The following KCNAB1 variants were observed in gnomAD, a reference collection of about 807,000 sequenced individuals.
KCNAB1 encodes the protein potassium voltage-gated channel subfamily A regulatory beta subunit 1, also known as voltage-gated potassium channel subunit beta-1.
KCNAB1 carries 35 observed loss-of-function variants against 64.6 expected under a neutral mutation model. That is an observed-to-expected ratio of 0.54 (90% CI 0.41 to 0.72). The LOEUF (loss-of-function observed/expected upper bound fraction) is 0.72. Ranked by LOEUF, KCNAB1 falls within the 30% of genes least tolerant of loss-of-function variation. KCNAB1 has a pLI of 0.00. For synonymous variants in KCNAB1, 177 were observed against 183.8 expected (o/e 0.96, Z 0.30); for missense variants, 401 against 512.9 (o/e 0.78, Z 2.11).
At chr3:156,424,009 T>C (rs1354716929) in intron 2 of KCNAB1, among the ~76,000 whole-genome samples, 1 of 152,192 alleles carries the variant, frequency 6.6e-6, no homozygotes, top group Non-Finnish European at 1.5e-5. Flanking sequence ...GTTCAGTTAT[T>C]GTTAGTGACA....
At chr3:156,469,740 C>T (rs1713739388) in intron 7 of KCNAB1, among the ~76,000 whole-genome samples, 1 of 152,198 alleles carries the variant, frequency 6.6e-6, no homozygotes, top group Non-Finnish European at 1.5e-5. Flanking sequence ...TGTTATTTTA[C>T]AGTCCATAGT....
intron 1 of KCNAB1, among the ~76,000 whole-genome samples, chr3:156,395,544 C>CAAAAA (rs61017269): frequency 0.05 from 1,270 of 25,456 alleles, 503 homozygotes; most frequent in Non-Finnish European, 0.11. Context: ...GACTCCGTCT[C>CAAAAA]AAAAAAAAAA....
chr3:156,435,126 A>G (rs1716501012), intron 2 of KCNAB1, among the ~76,000 whole-genome samples: 1 of 152,232 alleles, frequency 6.6e-6, no homozygotes, highest in South Asian at 2.1e-4. Flanking sequence ...TCCATACCAT[A>G]GAGAGTCATC....
intron 1 of KCNAB1, among the ~76,000 whole-genome samples, chr3:156,296,533 G>C (rs1720796999): frequency 6.7e-6 from 1 of 148,326 alleles, no homozygotes; most frequent in Admixed American, 6.8e-5. Context: ...GAGGGCAGTG[G>C]CGCCGTCTCA....
intron 1 of KCNAB1, among the ~76,000 whole-genome samples, chr3:156,136,075 C>T (rs901321907): frequency 6.6e-6 from 1 of 152,120 alleles, no homozygotes. Flanking sequence ...TCTAAGTCTC[C>T]CACGTATAAC....
intron 1 of KCNAB1, among the ~76,000 whole-genome samples, chr3:156,351,383 G>T (rs907855519): frequency 2.0e-5 from 3 of 152,250 alleles, no homozygotes; most frequent in African/African-American, 4.8e-5. Context: ...GTGCATGGAT[G>T]TAGGCTCTCT....
At chr3:156,450,160 G>T (rs560509368) in intron 2 of KCNAB1, among the ~76,000 whole-genome samples, 4 of 152,254 alleles carry the variant, frequency 2.6e-5, no homozygotes, top group African/African-American at 9.6e-5. Flanking sequence ...ATGGACTTGG[G>T]GATAGTGTAC....
chr3:156,462,991 C>G (rs1713040048), intron 5 of KCNAB1, among the ~76,000 whole-genome samples: 1 of 152,106 alleles, frequency 6.6e-6, no homozygotes, highest in African/African-American at 2.4e-5. Context: ...ATTTCATTCC[C>G]CTAGCAGTAA....
intron 1 of KCNAB1, among the ~76,000 whole-genome samples, chr3:156,305,382 G>C (rs1267732075): frequency 6.6e-6 from 1 of 152,128 alleles, no homozygotes; most frequent in Non-Finnish European, 1.5e-5. Context: ...AGGATTGCAG[G>C]ATGGATGAAT....
intron 1 of KCNAB1, among the ~76,000 whole-genome samples, chr3:156,217,808 A>G (rs182669176): frequency 1.5e-3 from 232 of 152,342 alleles, no homozygotes; most frequent in Middle Eastern, 3.4e-3. Flanking sequence ...GTGTACCTCC[A>G]GTTACCTGGA....
chr3:156,179,813 CTGAG>C lies in KCNAB1; in HGVS notation c.275+58929_275+58932del, dbSNP rs1251919536. 2.6e-5 allele frequency among the ~76,000 whole-genome samples: 4 copies of C among 152,272 alleles called. No individual in the cohort carries two copies. The East Asian group carries it at 7.7e-4, about 29-fold the overall frequency. ...TCTCCCTTAGAAAATGTACAATTGACTGAGTATGAGGAAAAAACCACTTTTCTTT... is the reference window on the plus strand; with the variant it reads ...TCTCCCTTAGAAAATGTACAATTGACTATGAGGAAAAAACCACTTTTCTTT... On this transcript the variant is annotated intron_variant, in intron 1 of 13. Coordinates refer to ENST00000490337, the MANE Select transcript of KCNAB1 (RefSeq NM_172160.3).
At chr3:156,468,446 G>GT in intron 7 of KCNAB1, among the ~76,000 whole-genome samples, 1 of 151,946 alleles carries the variant, frequency 6.6e-6, no homozygotes, top group South Asian at 2.1e-4. Context: ...CTCACTGACT[G>GT]TTTTTTTAAT....
chr3:156,248,162 C>A (rs990871426), intron 1 of KCNAB1, among the ~76,000 whole-genome samples: 1 of 152,194 alleles, frequency 6.6e-6, no homozygotes, highest in Non-Finnish European at 1.5e-5. Context: ...AAGTTGTAAT[C>A]AATGCACCAA....
At chr3:156,152,209 C>T (rs1241416845) in intron 1 of KCNAB1, among the ~76,000 whole-genome samples, 1 of 152,172 alleles carries the variant, frequency 6.6e-6, no homozygotes, top group East Asian at 1.9e-4. Flanking sequence ...TGTCCCTGTG[C>T]TCAGCACATC....
intron 8 of KCNAB1, among the ~76,000 whole-genome samples, chr3:156,499,751 C>G (rs185680443): frequency 6.6e-6 from 1 of 152,070 alleles, no homozygotes; most frequent in Non-Finnish European, 1.5e-5. Flanking sequence ...CCACCTCATA[C>G]GGCTGTGGCA....
In KCNAB1 at chr3:156,536,651, C is replaced by T. The variant is rs1011713201; in HGVS notation, c.1171-7C>T. On this transcript the variant is annotated splice_polypyrimidine_tract_variant and splice_region_variant and intron_variant, in intron 13 of 13. Transcript: ENST00000490337. ...AATATCCTTTGTACTTCTCCTCCTGCTCTCAGGTTCTCCCAAAGATGACAT... is the reference window on the plus strand; with the variant it reads ...AATATCCTTTGTACTTCTCCTCCTGTTCTCAGGTTCTCCCAAAGATGACAT... 3.1e-6 allele frequency: 5 copies of T among 1,593,772 alleles called. No individual in the cohort carries two copies. The highest frequency in any genetic ancestry group is 4.3e-6 in the Non-Finnish European group (5 of 1,161,444).
intron 1 of KCNAB1, among the ~76,000 whole-genome samples, chr3:156,387,014 CTTTTT>C (rs1194708289): frequency 1.9e-4 from 17 of 90,510 alleles, no homozygotes; most frequent in African/African-American, 6.5e-4. Flanking sequence ...TTCTCTCTCT[CTTTTT>C]TTTTTTTTTT....
chr3:156,167,811 C>T (rs1415558032), intron 1 of KCNAB1, among the ~76,000 whole-genome samples: 8 of 152,168 alleles, frequency 5.3e-5, no homozygotes, highest in Admixed American at 5.2e-4. Flanking sequence ...TTCCATGGAG[C>T]AGCTGAGTTA....
At chr3:156,363,399 A>T (rs1056176966) in intron 1 of KCNAB1, among the ~76,000 whole-genome samples, 1 of 152,258 alleles carries the variant, frequency 6.6e-6, no homozygotes, top group Admixed American at 6.5e-5. Flanking sequence ...ATTCACAAAT[A>T]ATCCAATTAA....
Sources: allele counts gnomAD v4.1 joint callset (sites outside exome capture counted in the v4.1 genomes callset), GRCh38; gene constraint gnomAD v4.1.1; transcripts MANE v1.5; gene names NCBI Gene and HGNC (gene_info 2026-07-23, HGNC 2026-07-21).